MTUS2: variants seen among roughly 807,000 people sequenced by gnomAD.
The protein encoded by MTUS2 is microtubule associated scaffold protein 2, also known as microtubule-associated tumor suppressor candidate 2.
Under a neutral mutation model 114.1 loss-of-function variants are expected in MTUS2, and 40 were observed. The ratio of observed to expected loss-of-function variants is 0.35; its 90% confidence interval spans 0.27 to 0.46. The LOEUF (loss-of-function observed/expected upper bound fraction) is 0.46. Ranked by LOEUF, MTUS2 falls within the 20% of genes least tolerant of loss-of-function variation. MTUS2 has a pLI of 1.00. For missense variants in MTUS2, 1,679 were observed against 1,705.4 expected (o/e 0.98, Z 0.27); for synonymous variants, 688 against 672.0 (o/e 1.02, Z -0.37).
intron 9 of MTUS2, among the ~76,000 whole-genome samples, chr13:29,452,592 G>A (rs1232788740): frequency 2.2e-5 from 3 of 139,132 alleles, no homozygotes; most frequent in Admixed American, 7.0e-5. Context: ...GTGTGTGTGT[G>A]TGTGTGTGTG....
At position 29,025,290 on chromosome 13, in the gene MTUS2, C is replaced by G. The variant is rs773018256; in HGVS notation, c.592C>G (p.Leu198Val). ...CCTGACTCCGCAGCATCCACAGCCT[C>G]TATCCCTCGACTCCCGGGAAGCACG... ...GSLTPQHPQP[L>V]SLDSREARGQ... The change falls in exon 3 of 16, where the codon CTA becomes GTA. Residue 198 changes from leucine (L) to valine (V), a missense_variant. By Grantham distance (32) the Leu-to-Val change is conservative. Around this residue, in one of 3 missense-constraint regions of MTUS2, gnomAD observed 843 missense variants for 770.8 expected, o/e 1.09. Coordinates refer to ENST00000612955, the MANE Select transcript of MTUS2 (RefSeq NM_001033602.4). The G allele has an allele frequency of 1.2e-5, 20 of 1,613,862 alleles. No individual in the cohort carries two copies. The highest frequency in any genetic ancestry group is 1.7e-5 in the Non-Finnish European group (20 of 1,179,910).
chr13:29,175,578 T>C (rs77594997), intron 5 of MTUS2, among the ~76,000 whole-genome samples: 2,361 of 152,302 alleles, frequency 0.016, 23 homozygotes, highest in Non-Finnish European at 0.025. Flanking sequence ...TTGGGAAGCA[T>C]TGTGGCATTT....
chr13:29,307,593 C>A, intron 6 of MTUS2: 1 of 1,195,388 alleles, frequency 8.4e-7, no homozygotes, highest in Admixed American at 1.7e-5. Context: ...CCCTCAAGGG[C>A]ATCCTGGGCT....
At chr13:29,179,279 C>T (rs1172905150) in intron 5 of MTUS2, among the ~76,000 whole-genome samples, 5 of 152,132 alleles carry the variant, frequency 3.3e-5, no homozygotes, top group Non-Finnish European at 5.9e-5. Flanking sequence ...AATATCTCTG[C>T]GTTAACCATA....
intron 2 of MTUS2, among the ~76,000 whole-genome samples, chr13:28,898,069 G>A (rs1415869905): frequency 6.6e-6 from 1 of 151,798 alleles, no homozygotes; most frequent in Non-Finnish European, 1.5e-5. Context: ...ACAGGTTGAA[G>A]TTTTGTTTGG....
chr13:28,978,125 GTTCT>G (rs1020066524), intron 2 of MTUS2, among the ~76,000 whole-genome samples: 12 of 152,110 alleles, frequency 7.9e-5, no homozygotes, highest in African/African-American at 2.4e-4. Context: ...TGCCACATGT[GTTCT>G]TTCTTTCTTT....
intron 5 of MTUS2, among the ~76,000 whole-genome samples, chr13:29,267,921 A>G (rs1017430457): frequency 1.3e-5 from 2 of 152,194 alleles, no homozygotes; most frequent in Admixed American, 1.3e-4. Flanking sequence ...TGGGAAAATG[A>G]AAACAGGTGA....
At chr13:28,909,241 C>A (rs1880248125) in intron 2 of MTUS2, among the ~76,000 whole-genome samples, 1 of 151,414 alleles carries the variant, frequency 6.6e-6, no homozygotes, top group Admixed American at 6.6e-5. Flanking sequence ...TCATTGGTAG[C>A]TTAATGGGGG....
intron 5 of MTUS2, among the ~76,000 whole-genome samples, chr13:29,152,464 CT>C (rs2139044014): frequency 6.6e-6 from 1 of 152,190 alleles, no homozygotes; most frequent in South Asian, 2.1e-4. Context: ...TTTCTAGGGT[CT>C]TGAATTCTGG....
intron 2 of MTUS2, among the ~76,000 whole-genome samples, chr13:28,901,007 A>G (rs983144470): frequency 1.3e-5 from 2 of 152,208 alleles, no homozygotes; most frequent in Non-Finnish European, 2.9e-5. Flanking sequence ...CCACAGTACA[A>G]GTGAACCTGT....
At chr13:29,379,659 A>C (rs1447427530) in intron 8 of MTUS2, among the ~76,000 whole-genome samples, 2 of 152,178 alleles carry the variant, frequency 1.3e-5, no homozygotes, top group African/African-American at 4.8e-5. Flanking sequence ...GTCATCATAC[A>C]TGTCCTCTCA....
chr13:29,398,491 G>GA (rs60747066), intron 8 of MTUS2, among the ~76,000 whole-genome samples: 5,533 of 142,534 alleles, frequency 0.039, 360 homozygotes, highest in African/African-American at 0.14. Flanking sequence ...GAAAGAAAAA[G>GA]AAAAAAAAAA....
At chr13:28,919,684 C>T (rs1283609409) in intron 2 of MTUS2, among the ~76,000 whole-genome samples, 1 of 152,094 alleles carries the variant, frequency 6.6e-6, no homozygotes, top group Non-Finnish European at 1.5e-5. Context: ...TCTCTACTTT[C>T]TCTTTAAGGC....
chr13:29,013,989 C>A (rs544911829), intron 2 of MTUS2, among the ~76,000 whole-genome samples: 62 of 152,210 alleles, frequency 4.1e-4, no homozygotes, highest in Non-Finnish European at 6.2e-4. Context: ...CAGGAGATAG[C>A]AATTTCTCCA....
chr13:29,336,046 G>A (rs1194678080), intron 7 of MTUS2, among the ~76,000 whole-genome samples: 1 of 152,120 alleles, frequency 6.6e-6, no homozygotes, highest in Non-Finnish European at 1.5e-5. Context: ...GGTCATTTAT[G>A]TTCTTCTCTA....
intron 2 of MTUS2, among the ~76,000 whole-genome samples, chr13:28,853,486 C>T (rs1294790975): frequency 6.6e-6 from 1 of 152,178 alleles, no homozygotes; most frequent in Non-Finnish European, 1.5e-5. Flanking sequence ...CAGATGGCCT[C>T]ACTTGGGCAA....
At chr13:29,411,792 A>G (rs965135626) in intron 8 of MTUS2, among the ~76,000 whole-genome samples, 13 of 152,282 alleles carry the variant, frequency 8.5e-5, no homozygotes, top group Middle Eastern at 3.4e-3. Flanking sequence ...GATGTTTTGC[A>G]TATTTTTGAT....
In MTUS2 at chr13:28,999,293, C is replaced by T. The variant is rs563984612; in HGVS notation, c.-242-25164C>T. 1.5e-4 allele frequency among the ~76,000 whole-genome samples: 23 copies of T among 152,236 alleles called. No homozygotes were observed. The East Asian group carries it at 3.1e-3, about 20-fold the overall frequency. On this transcript the variant is annotated intron_variant, in intron 2 of 15. Transcript: ENST00000612955. ...TACCTGGCCGTGTGAGGTGTCAGTC[C>T]GCCCCTACTGGGGGGTTCCTCCCAG...
intron 5 of MTUS2, among the ~76,000 whole-genome samples, chr13:29,121,469 TAGAG>T (rs1049490121): frequency 5.3e-5 from 8 of 151,840 alleles, no homozygotes; most frequent in African/African-American, 1.7e-4. Flanking sequence ...ATGCAAGAGA[TAGAG>T]TGAGTGAGCA....
Sources: gnomAD v4.1 joint callset for allele counts (sites outside exome capture counted in the v4.1 genomes callset) on GRCh38, gnomAD v4.1.1 for gene constraint, gnomAD v4.1.1 regional missense constraint, MANE v1.5 for transcripts, NCBI Gene and HGNC (gene_info 2026-07-23, HGNC 2026-07-21) for gene names.